Variants in ATG16L1 observed in about 807,000 individuals in gnomAD.
The protein encoded by ATG16L1 is autophagy-related protein 16-1.
In ATG16L1, 37 loss-of-function variants were observed where a neutral mutation model predicts 88.5. The ratio of observed to expected loss-of-function variants is 0.42; its 90% CI spans 0.32 to 0.55. The LOEUF (loss-of-function observed/expected upper bound fraction) is 0.55. Ranked by LOEUF, ATG16L1 falls within the 20% of genes least tolerant of loss-of-function variation. ATG16L1 has a pLI of 0.13. For missense variants in ATG16L1, 554 were observed against 752.8 expected, an observed-to-expected ratio of 0.74 and a Z score of 3.09; for synonymous variants, 301 against 281.0, an observed-to-expected ratio of 1.07 and a Z score of -0.71.
chr2:233,263,138 A>G lies in ATG16L1; in HGVS notation c.218A>G (p.His73Arg). The G allele has an allele frequency of 1.2e-6, 2 of 1,614,100 alleles. No homozygotes were observed. The highest frequency in any genetic ancestry group is 1.7e-6 in the Non-Finnish European group (2 of 1,179,990). Residue 73 changes from histidine to arginine, a missense_variant, in exon 3 of 18, where the codon CAT (histidine) becomes CGT (arginine). Physicochemically the swap from His to Arg is conservative, Grantham distance 29. This residue lies in a region of ATG16L1 where 101 missense variants were observed against 107.0 expected (regional missense o/e 0.94). Transcript: ENST00000392017. ...CTGGTTTGCCAATTTAGTCCCGGAC[A>G]TGATGGCACATGGAATGACAATCAG... ...VPNRHEISPGHDGTWNDNQLQ... is the reference protein window; with the variant it reads ...VPNRHEISPGRDGTWNDNQLQ...
At chr2:233,287,348 A>T (rs1029229795) in intron 12 of ATG16L1, among the ~76,000 whole-genome samples, 7 of 152,232 alleles carry the variant, frequency 4.6e-5, no homozygotes, top group African/African-American at 1.7e-4. Flanking sequence ...CCTGTGAAGT[A>T]TGTAAAAATG....
intron 12 of ATG16L1, 135 bp downstream of exon 12, chr2:233,282,888 C>T (rs749008601): frequency 1.4e-6 from 1 of 712,962 alleles, no homozygotes; most frequent in South Asian, 1.7e-5. Context: ...CCTTCCTTTC[C>T]TCCTTGGGGA....
chr2:233,273,692 G>C (rs569382385), intron 7 of ATG16L1, 29 bp from the exon 8 acceptor site: 1 of 1,611,210 alleles, frequency 6.2e-7, no homozygotes, highest in Non-Finnish European at 8.5e-7. Flanking sequence ...TGTTTCTAAG[G>C]TTTAAACCTA....
chr2:233,291,351 C>A (rs57929619), intron 14 of ATG16L1, among the ~76,000 whole-genome samples: 3 of 152,146 alleles, frequency 2.0e-5, no homozygotes, highest in Non-Finnish European at 4.4e-5. Context: ...GTTGGATGTT[C>A]GAAGTCTCTT....
chr2:233,276,881 C>A (rs1698412398), intron 9 of ATG16L1, among the ~76,000 whole-genome samples: 1 of 152,178 alleles, frequency 6.6e-6, no homozygotes, highest in Non-Finnish European at 1.5e-5. Flanking sequence ...AATATAAATT[C>A]TCTTAAAATA....
intron 3 of ATG16L1, among the ~76,000 whole-genome samples, chr2:233,263,439 C>T (rs1464263400): frequency 6.6e-6 from 1 of 152,154 alleles, no homozygotes; most frequent in Non-Finnish European, 1.5e-5. Flanking sequence ...AAGGGCAATC[C>T]TGTGAGAGCG....
intron 6 of ATG16L1, among the ~76,000 whole-genome samples, chr2:233,272,373 C>T (rs949161445): frequency 4.6e-5 from 7 of 152,156 alleles, no homozygotes; most frequent in African/African-American, 9.7e-5. Context: ...GCATAAAATG[C>T]GCAGAGTCAA....
At chr2:233,289,403 G>GTGTGTGTGTGTGTGTA (rs1699303025) in intron 12 of ATG16L1, among the ~76,000 whole-genome samples, 1 of 148,942 alleles carries the variant, frequency 6.7e-6, no homozygotes, top group Non-Finnish European at 1.5e-5. Flanking sequence ...GTGTGTGTGT[G>GTGTGTGTGTGTGTGTA]TGTGTGACAG....
chr2:233,272,898 C>T (rs1369123795), intron 6 of ATG16L1, 68 bp from the exon 7 acceptor site: 1 of 1,349,582 alleles, frequency 7.4e-7, no homozygotes, highest in African/African-American at 1.4e-5. Flanking sequence ...ATGACATTAG[C>T]ATTTGCGGAA....
At chr2:233,275,883 G>T in intron 9 of ATG16L1, 1 of 519,228 alleles carries the variant, frequency 1.9e-6, no homozygotes. Context: ...GTCAGTGTGT[G>T]TTTCTGAGAG....
chr2:233,293,393 G>A (rs367823849), intron 17 of ATG16L1, 36 bp downstream of exon 17: 223 of 1,575,466 alleles, frequency 1.4e-4, no homozygotes, highest in Admixed American at 6.5e-4. Context: ...CCGTTGCGTT[G>A]TGAGCAAGGC....
chr2:233,280,145 C>T (rs1698626961), intron 10 of ATG16L1, among the ~76,000 whole-genome samples: 1 of 152,162 alleles, frequency 6.6e-6, no homozygotes, highest in Admixed American at 6.5e-5. Flanking sequence ...CAGCTTCAAA[C>T]CAGTATTCGT....
At chr2:233,253,369 G>C (rs1696546749) in intron 1 of ATG16L1, among the ~76,000 whole-genome samples, 1 of 109,708 alleles carries the variant, frequency 9.1e-6, no homozygotes, top group Non-Finnish European at 1.7e-5. Flanking sequence ...TTTGGAGACA[G>C]AGTCTTGCTC....
intron 12 of ATG16L1, among the ~76,000 whole-genome samples, chr2:233,286,340 T>C (rs544178690): frequency 5.9e-5 from 9 of 152,352 alleles, no homozygotes; most frequent in South Asian, 2.1e-4. Context: ...GGCCCCGGCC[T>C]TGATGACATC....
chr2:233,281,096 T>C lies in ATG16L1; in HGVS notation c.1061-9T>C, dbSNP rs1168436214. 1 of 1,577,900 alleles carries C rather than the reference T, an allele frequency of 6.3e-7. No individual in the cohort carries two copies. The highest frequency in any genetic ancestry group is 8.6e-7 in the Non-Finnish European group (1 of 1,165,352). ...CTTCCCATCATCCTAATTTTTTCTT[T>C]TTATACAGAAAAATGTGAGTTCAAG... On this transcript the variant is annotated splice_polypyrimidine_tract_variant and intron_variant, in intron 10 of 17. Coordinates refer to ENST00000392017, the MANE Select transcript of ATG16L1 (RefSeq NM_030803.7).
At chr2:233,276,203 C>A (rs1698359216) in intron 9 of ATG16L1, among the ~76,000 whole-genome samples, 1 of 152,020 alleles carries the variant, frequency 6.6e-6, no homozygotes, top group East Asian at 1.9e-4. Context: ...TTTTTAGTCC[C>A]AAGCAAATGT....
chr2:233,251,791 G>A lies in ATG16L1; in HGVS notation c.-37G>A. 6.5e-7 allele frequency: 1 copy of A among 1,533,206 alleles called. No individual in the cohort carries two copies. The highest frequency in any genetic ancestry group is 8.8e-7 in the Non-Finnish European group (1 of 1,132,836). 95.0% of individuals were successfully genotyped at this position (1,533,206 alleles called of 1,614,324 possible). On this transcript the variant is annotated 5_prime_UTR_variant, in exon 1 of 18. Coordinates refer to ENST00000392017, the MANE Select transcript of ATG16L1 (RefSeq NM_030803.7). Reference sequence around the variant, plus strand: ...AGGCTGCGGCCGTCAGCCCTCGCTCGCATTGGTGGCGCTGAGGTGCCGGGG... The same window carrying A: ...AGGCTGCGGCCGTCAGCCCTCGCTCACATTGGTGGCGCTGAGGTGCCGGGG...
At chr2:233,273,642 G>GT in intron 7 of ATG16L1, 79 bp from the exon 8 acceptor site, 3 of 1,394,906 alleles carry the variant, frequency 2.2e-6, no homozygotes, top group Non-Finnish European at 3.0e-6. Context: ...CCAGTTACCT[G>GT]TTTTTGTGGG....
chr2:233,251,790 C>T lies in ATG16L1; in HGVS notation c.-38C>T, dbSNP rs1269778366. On this transcript the variant is annotated 5_prime_UTR_variant, in exon 1 of 18. Coordinates refer to ENST00000392017, the MANE Select transcript of ATG16L1 (RefSeq NM_030803.7). ...CAGGCTGCGGCCGTCAGCCCTCGCT[C>T]GCATTGGTGGCGCTGAGGTGCCGGG... 3.9e-6 allele frequency: 6 copies of T among 1,531,336 alleles called. 1 individual carries two copies. Among genetic ancestry groups the T allele is most frequent in the Non-Finnish European group, 5.3e-6 (6 of 1,131,596 alleles). The allele number at this position is 1,531,336 out of a possible 1,614,324, so 94.9% of individuals were successfully genotyped here.
Sources: gnomAD v4.1 joint callset for allele counts (sites outside exome capture counted in the v4.1 genomes callset) on GRCh38, gnomAD v4.1.1 for gene constraint, gnomAD v4.1.1 regional missense constraint, MANE v1.5 for transcripts, NCBI Gene and HGNC (gene_info 2026-07-23, HGNC 2026-07-21) for gene names.